GABRB1: variants seen among roughly 807,000 people sequenced by gnomAD.
GABRB1 encodes gamma-aminobutyric acid type A receptor subunit beta1, also known as gamma-aminobutyric acid receptor subunit beta-1.
In GABRB1, 17 loss-of-function variants were observed where a neutral mutation model predicts 51.6. The ratio of observed to expected loss-of-function variants is 0.33; its 90% CI spans 0.23 to 0.49. GABRB1 has a LOEUF of 0.49. GABRB1 is among the 20% of genes least tolerant of loss of function. The pLI, the probability that GABRB1 is intolerant of heterozygous loss-of-function variation, is 0.99. For synonymous variants in GABRB1, 247 were observed against 218.9 expected (o/e 1.13, Z -1.14); for missense variants, 410 against 600.6 (o/e 0.68, Z 3.32).
intron 1 of GABRB1, among the ~76,000 whole-genome samples, chr4:47,007,580 G>A (rs1186192152): frequency 6.6e-6 from 1 of 152,122 alleles, no homozygotes; most frequent in African/African-American, 2.4e-5. Flanking sequence ...CAAATGACAT[G>A]TAACCTTATC....
intron 3 of GABRB1, among the ~76,000 whole-genome samples, chr4:47,136,592 G>A (rs1448180356): frequency 6.6e-6 from 1 of 151,996 alleles, no homozygotes; most frequent in Non-Finnish European, 1.5e-5. Context: ...GAGGACCATA[G>A]TAGTTTAGCT....
At chr4:47,113,707 A>G (rs1429313846) in intron 3 of GABRB1, among the ~76,000 whole-genome samples, 1 of 152,354 alleles carries the variant, frequency 6.6e-6, no homozygotes, top group Non-Finnish European at 1.5e-5. Context: ...TAGTTGTGCC[A>G]GATTTCAGAT....
At chr4:47,310,099 A>C (rs926971012) in intron 4 of GABRB1, among the ~76,000 whole-genome samples, 1 of 152,206 alleles carries the variant, frequency 6.6e-6, no homozygotes, top group Non-Finnish European at 1.5e-5. Flanking sequence ...CACCCAAATA[A>C]GTATAGAACT....
In GABRB1 at chr4:47,425,920, T is replaced by G. The variant is rs767811610; in HGVS notation, c.1327T>G (p.Leu443Val). ...CCAGCTCAAAGTCAAGATCCCCGAC[T>G]TGACTGATGTGAATTCCATAGACAA... ...ASQLKVKIPD[L>V]TDVNSIDKWS... Residue 443 changes from leucine (L) to valine (V), a missense_variant, in exon 9 of 9, where the codon TTG becomes GTG. By Grantham distance (32) the Leu-to-Val change is conservative (BLOSUM62 1). Around this residue, in one of 5 missense-constraint regions of GABRB1, gnomAD observed 181 missense variants for 195.6 expected, o/e 0.93. Coordinates refer to ENST00000295454, the MANE Select transcript of GABRB1 (RefSeq NM_000812.4). The G allele has an allele frequency of 6.2e-7, 1 of 1,614,028 alleles. No homozygotes were observed. The highest frequency in any genetic ancestry group is 1.3e-5 in the African/African-American group (1 of 74,952).
At chr4:47,113,968 AG>A in intron 3 of GABRB1, among the ~76,000 whole-genome samples, 1 of 152,302 alleles carries the variant, frequency 6.6e-6, no homozygotes, top group African/African-American at 2.4e-5. Flanking sequence ...CCAGAAAATA[AG>A]GTATGTGGCC....
At chr4:47,157,955 A>G (rs2109731372) in intron 3 of GABRB1, among the ~76,000 whole-genome samples, 1 of 152,238 alleles carries the variant, frequency 6.6e-6, no homozygotes, top group African/African-American at 2.4e-5. Context: ...GATAACTTCT[A>G]TAGCAAATTG....
At chr4:47,030,047 T>C (rs1725237834), upstream of GABRB1, among the ~76,000 whole-genome samples, 1 of 152,182 alleles carries the variant, frequency 6.6e-6, no homozygotes, top group African/African-American at 2.4e-5. Context: ...GGAATTAGTT[T>C]ATTCATTTCC....
intron 4 of GABRB1, among the ~76,000 whole-genome samples, chr4:47,242,329 T>G (rs1325924964): frequency 6.6e-6 from 1 of 152,242 alleles, no homozygotes; most frequent in Non-Finnish European, 1.5e-5. Flanking sequence ...CTATTGTGTA[T>G]AGTGCCGCAA....
At chr4:47,037,814 T>C (rs992773184) in intron 3 of GABRB1, among the ~76,000 whole-genome samples, 1 of 152,292 alleles carries the variant, frequency 6.6e-6, no homozygotes, top group East Asian at 1.9e-4. Context: ...CCATTACAGA[T>C]TGAAAAACTG....
chr4:47,411,933 T>A (rs969267953), intron 8 of GABRB1, among the ~76,000 whole-genome samples: 1 of 152,210 alleles, frequency 6.6e-6, no homozygotes, highest in Non-Finnish European at 1.5e-5. Context: ...CATCACATTG[T>A]ATACAACAGA....
At chr4:47,187,816 A>G (rs917485001) in intron 4 of GABRB1, among the ~76,000 whole-genome samples, 4 of 151,874 alleles carry the variant, frequency 2.6e-5, no homozygotes, top group African/African-American at 9.7e-5. Flanking sequence ...AGTCATAAAG[A>G]CTTTGTTGTT....
intron 3 of GABRB1, among the ~76,000 whole-genome samples, chr4:47,083,617 C>T (rs535011935): frequency 3.9e-5 from 6 of 152,224 alleles, no homozygotes; most frequent in Admixed American, 2.0e-4. Context: ...ATTCCCTGAG[C>T]TATTTCCTGG....
At chr4:47,418,978 C>A (rs369433349) in intron 8 of GABRB1, among the ~76,000 whole-genome samples, 2 of 152,270 alleles carry the variant, frequency 1.3e-5, no homozygotes, top group African/African-American at 4.8e-5. Context: ...AAAATATGCA[C>A]AAAATCACAA....
intron 5 of GABRB1, among the ~76,000 whole-genome samples, chr4:47,333,148 T>G (rs1444925804): frequency 1.4e-5 from 2 of 142,904 alleles, no homozygotes; most frequent in Non-Finnish European, 3.0e-5. Context: ...TATATTATAT[T>G]TATATATTTA....
chr4:47,047,424 T>C (rs1055895450), intron 3 of GABRB1, among the ~76,000 whole-genome samples: 1 of 152,140 alleles, frequency 6.6e-6, no homozygotes, highest in Non-Finnish European at 1.5e-5. Flanking sequence ...TACAGATATG[T>C]AAACTGAGAT....
intron 5 of GABRB1, among the ~76,000 whole-genome samples, chr4:47,371,855 T>G (rs1301573374): frequency 6.6e-6 from 1 of 152,208 alleles, no homozygotes; most frequent in Non-Finnish European, 1.5e-5. Context: ...GTCAGACGGA[T>G]AGATGGCAAA....
intron 4 of GABRB1, among the ~76,000 whole-genome samples, chr4:47,281,361 A>G (rs1723287822): frequency 6.6e-6 from 1 of 152,186 alleles, no homozygotes; most frequent in South Asian, 2.1e-4. Flanking sequence ...CCTCATGCTT[A>G]TTAGAATGGC....
chr4:47,245,690 C>T (rs1248790175), intron 4 of GABRB1, among the ~76,000 whole-genome samples: 1 of 152,038 alleles, frequency 6.6e-6, no homozygotes, highest in Non-Finnish European at 1.5e-5. Context: ...ATTGATGATA[C>T]ATTATTCCAT....
intron 1 of GABRB1, among the ~76,000 whole-genome samples, chr4:46,998,843 G>A (rs1724089380): frequency 6.7e-6 from 1 of 149,606 alleles, no homozygotes; most frequent in Admixed American, 6.8e-5. Flanking sequence ...CTAATAATGT[G>A]TGAAGCATTA....
Sources: gnomAD v4.1 joint callset for allele counts (sites outside exome capture counted in the v4.1 genomes callset) on GRCh38, gnomAD v4.1.1 for gene constraint, gnomAD v4.1.1 regional missense constraint, MANE v1.5 for transcripts, NCBI Gene and HGNC (gene_info 2026-07-23, HGNC 2026-07-21) for gene names.